LMO7: variants seen among roughly 807,000 people sequenced by gnomAD.
The protein encoded by LMO7 is LIM domain 7, also known as LIM domain only protein 7.
Under a neutral mutation model 206.5 loss-of-function variants are expected in LMO7, and 120 were observed. That is an observed-to-expected ratio of 0.58 (90% confidence interval 0.50 to 0.68). LMO7 has a LOEUF of 0.68. Ranked by LOEUF, LMO7 falls within the 30% of genes least tolerant of loss-of-function variation. The pLI, the probability that LMO7 is intolerant of heterozygous loss-of-function variation, is 0.00. For synonymous variants in LMO7, 706 were observed against 681.5 expected (o/e 1.04, Z -0.56); for missense variants, 1,959 against 1,957.9 (o/e 1.00, Z -0.01).
Position 75,782,578 on chromosome 13 carries a change from A to G in LMO7, c.318-12823A>G, listed in dbSNP as rs146281928. Among the ~76,000 whole-genome samples, 30 of 152,320 alleles carry G rather than the reference A, an allele frequency of 2.0e-4. No homozygotes were observed. In the East Asian group the frequency reaches 5.6e-3, roughly 28 times the overall value. ...CAAATGACCACAAATGTAGTGACTT[A>G]AAACAACACAAACTTACTCTCCTAC... is the stretch of plus-strand genomic sequence containing the variant. On this transcript the variant is annotated intron_variant, in intron 4 of 30. Coordinates refer to ENST00000377534, the MANE Select transcript of LMO7 (RefSeq NM_001306080.2).
chr13:75,782,520 A>G (rs540446868), intron 4 of LMO7, among the ~76,000 whole-genome samples: 1 of 152,354 alleles, frequency 6.6e-6, no homozygotes, highest in Non-Finnish European at 1.5e-5. Flanking sequence ...AATGCTGTAT[A>G]GTACTTGTGT....
chr13:75,816,061 C>G (rs1356605204), intron 11 of LMO7, among the ~76,000 whole-genome samples: 2 of 152,176 alleles, frequency 1.3e-5, no homozygotes, highest in Non-Finnish European at 2.9e-5. Flanking sequence ...AAGATTTATT[C>G]AAGAAGCAAG....
chr13:75,657,716 G>A (rs953812985), intron 1 of LMO7, among the ~76,000 whole-genome samples: 2 of 151,938 alleles, frequency 1.3e-5, no homozygotes, highest in African/African-American at 4.8e-5. Context: ...TTTGCCATTG[G>A]TTACTAGATT....
intron 3 of LMO7, among the ~76,000 whole-genome samples, chr13:75,743,825 T>C (rs565808636): frequency 4.6e-5 from 7 of 152,296 alleles, no homozygotes; most frequent in African/African-American, 1.4e-4. Context: ...ATAACATACC[T>C]GCATGTGCAC....
Position 75,827,468 on chromosome 13 carries a change from G to A in LMO7, c.2949+3595G>A, listed in dbSNP as rs79532956. On this transcript the variant is annotated intron_variant, in intron 15 of 30. Coordinates refer to ENST00000377534, the MANE Select transcript of LMO7 (RefSeq NM_001306080.2). ...AATATGGTCTTATTTAAAATCTGCC[G>A]ATAGGAATTTCCTTTTCATCCTCAT... Among the ~76,000 whole-genome samples, 18 of 152,236 alleles carry A rather than the reference G, an allele frequency of 1.2e-4. No individual in the cohort carries two copies. The East Asian group carries it at 3.3e-3, about 28-fold the overall frequency.
At chr13:75,721,968 A>G (rs988020321) in intron 2 of LMO7, among the ~76,000 whole-genome samples, 1 of 152,230 alleles carries the variant, frequency 6.6e-6, no homozygotes, top group Non-Finnish European at 1.5e-5. Context: ...AGGACACCCT[A>G]TTCAACAAAT....
At chr13:75,704,749 G>T (rs550556741) in intron 1 of LMO7, among the ~76,000 whole-genome samples, 1 of 152,158 alleles carries the variant, frequency 6.6e-6, no homozygotes, top group African/African-American at 2.4e-5. Flanking sequence ...TGGATTATGC[G>T]ATCAGAACTG....
At chr13:75,637,625 C>A (rs1274268647) in intron 1 of LMO7, among the ~76,000 whole-genome samples, 1 of 152,172 alleles carries the variant, frequency 6.6e-6, no homozygotes, top group Non-Finnish European at 1.5e-5. Flanking sequence ...ATTGATGCCA[C>A]GTGCTGGTTT....
chr13:75,809,091 C>T (rs1030017274), intron 10 of LMO7, 63 bp from the exon 11 acceptor site: 138 of 1,245,380 alleles, frequency 1.1e-4, no homozygotes, highest in Non-Finnish European at 1.5e-4. Context: ...AGACATTGAA[C>T]GTTTAGAAAC....
chr13:75,777,922 G>A (rs2050756876), intron 4 of LMO7, among the ~76,000 whole-genome samples: 4 of 152,108 alleles, frequency 2.6e-5, no homozygotes, highest in Admixed American at 2.0e-4. Flanking sequence ...TGGGATTACA[G>A]GCGTAAGCCA....
At chr13:75,766,413 C>A (rs2048892457) in intron 4 of LMO7, among the ~76,000 whole-genome samples, 1 of 151,936 alleles carries the variant, frequency 6.6e-6, no homozygotes, top group Admixed American at 6.6e-5. Flanking sequence ...TAGAAAATGG[C>A]ACTTCATCCA....
Position 75,732,243 on chromosome 13 carries a change from C to A in LMO7, c.210+5145C>A, listed in dbSNP as rs565953006. Among the ~76,000 whole-genome samples, 409 of 152,260 alleles carry A rather than the reference C, an allele frequency of 2.7e-3. 3 individuals carry two copies. The highest frequency in any genetic ancestry group is 9.7e-3 in the African/African-American group (401 of 41,532). On this transcript the variant is annotated intron_variant, in intron 3 of 30. Transcript: ENST00000377534. ...GTTTTCCAACTTGGTTCCATTCTCC[C>A]CGTCACTTTCAGGTACACCAGTCAG...
chr13:75,716,433 G>A (rs995384091), intron 2 of LMO7, among the ~76,000 whole-genome samples: 1 of 152,016 alleles, frequency 6.6e-6, no homozygotes, highest in African/African-American at 2.4e-5. Context: ...GTGTTGTTTA[G>A]TTTGACTGTG....
chr13:75,848,099 G>A (rs2060138934), intron 26 of LMO7, among the ~76,000 whole-genome samples: 1 of 152,098 alleles, frequency 6.6e-6, no homozygotes, highest in South Asian at 2.1e-4. Context: ...TTGGGGAACA[G>A]GTGGTATTTG....
intron 1 of LMO7, among the ~76,000 whole-genome samples, chr13:75,695,724 T>C (rs2041847440): frequency 1.3e-5 from 2 of 152,232 alleles, no homozygotes; most frequent in African/African-American, 2.4e-5. Flanking sequence ...TACTTTAATG[T>C]GCAAATTTTG....
At chr13:75,672,231 TA>T (rs890301334) in intron 1 of LMO7, among the ~76,000 whole-genome samples, 3 of 146,196 alleles carry the variant, frequency 2.1e-5, no homozygotes, top group East Asian at 1.9e-4. Flanking sequence ...AGTGCTTTGT[TA>T]AAAAAAGATT....
chr13:75,716,625 AT>A (rs892526006), intron 2 of LMO7, among the ~76,000 whole-genome samples: 15 of 152,160 alleles, frequency 9.9e-5, no homozygotes, highest in African/African-American at 3.6e-4. Context: ...ATAATGTGCT[AT>A]GAATTTTATT....
chr13:75,844,415 C>CTTTTTTTTTTTTTTTTTTT (rs1235578609), intron 25 of LMO7, among the ~76,000 whole-genome samples: 1 of 142,736 alleles, frequency 7.0e-6, no homozygotes, highest in Non-Finnish European at 1.5e-5. Context: ...TTGTTTTTTT[C>CTTTTTTTTTTTTTTTTTTT]TTTTTTTTTT....
chr13:75,727,380 G>C (rs1036719530), intron 3 of LMO7, among the ~76,000 whole-genome samples: 3 of 151,624 alleles, frequency 2.0e-5, no homozygotes, highest in Admixed American at 2.0e-4. Flanking sequence ...GTGTTTTAGT[G>C]GTTACTAATT....
Sources: allele counts gnomAD v4.1 joint callset (sites outside exome capture counted in the v4.1 genomes callset), GRCh38; gene constraint gnomAD v4.1.1; transcripts MANE v1.5; gene names NCBI Gene and HGNC (gene_info 2026-07-23, HGNC 2026-07-21).